Variants in USP3 observed in about 807,000 individuals in gnomAD.
USP3 encodes the protein ubiquitin carboxyl-terminal hydrolase 3.
Under a neutral mutation model 72.3 loss-of-function variants are expected in USP3, and 20 were observed. The observed-to-expected ratio is 0.28, with a 90% CI of 0.19 to 0.40. The LOEUF (loss-of-function observed/expected upper bound fraction) is 0.40, where lower values mean the gene tolerates loss of function less well. Ranked by LOEUF, USP3 falls within the 10% of genes least tolerant of loss-of-function variation. The pLI, the probability that USP3 is intolerant of heterozygous loss-of-function variation, is 1.00. For synonymous variants in USP3, 222 were observed against 225.3 expected (o/e 0.99, Z 0.13); for missense variants, 479 against 633.9 (o/e 0.76, Z 2.62).
intron 1 of USP3, among the ~76,000 whole-genome samples, chr15:63,506,393 ACACTAGGAGAAGCCTACCT>A (rs2065713643): frequency 6.6e-6 from 1 of 152,126 alleles, no homozygotes; most frequent in Non-Finnish European, 1.5e-5. Flanking sequence ...ACCAAAGTAA[ACACTAGGAGAAGCCTACCT>A]CACAGGGAAT....
chr15:63,514,093 G>A (rs1407734079), intron 1 of USP3, among the ~76,000 whole-genome samples: 1 of 152,182 alleles, frequency 6.6e-6, no homozygotes, highest in Non-Finnish European at 1.5e-5. Flanking sequence ...TTCACCTTAA[G>A]TGTATGAAGT....
In USP3 at chr15:63,574,014, G is replaced by T; in HGVS notation, c.909-32G>T. ...AATGTCAAAGAGATGGCTTCTTACT[G>T]AGATATTTTCCTGTGTGGTGATTTT... On this transcript the variant is annotated intron_variant, in intron 9 of 14. Transcript: ENST00000380324. This position sits in a 1 kb window ranked among gnomAD's most constrained non-coding sequence, Gnocchi z 4.6. 1 of 1,453,810 alleles carries T rather than the reference G, an allele frequency of 6.9e-7. No homozygotes were observed. Among genetic ancestry groups the T allele is most frequent in the Non-Finnish European group, 9.3e-7 (1 of 1,076,212 alleles). 90.1% of individuals were successfully genotyped at this position (1,453,810 alleles called of 1,614,324 possible).
At chr15:63,567,967 C>T (rs1566910909) in intron 8 of USP3, among the ~76,000 whole-genome samples, 1 of 152,172 alleles carries the variant, frequency 6.6e-6, no homozygotes, top group African/African-American at 2.4e-5. Flanking sequence ...CTCTCTCCCC[C>T]AGTGATTTGT....
At chr15:63,505,171 C>T (rs2065693389) in intron 1 of USP3, among the ~76,000 whole-genome samples, 1 of 151,876 alleles carries the variant, frequency 6.6e-6, no homozygotes, top group Non-Finnish European at 1.5e-5. Context: ...CTGTGCCCGT[C>T]CGTGTTGCGG....
chr15:63,552,357 C>T (rs1176598398), intron 3 of USP3, among the ~76,000 whole-genome samples: 3 of 152,014 alleles, frequency 2.0e-5, no homozygotes, highest in African/African-American at 7.3e-5. Flanking sequence ...ATATTTATGC[C>T]GAGAAGGAGC....
intron 11 of USP3, chr15:63,586,485 T>TGAA (rs567288807): frequency 2.0e-4 from 31 of 152,396 alleles, no homozygotes; most frequent in African/African-American, 7.5e-4. Context: ...AAATACTTGC[T>TGAA]GAAGAAAGCA....
intron 11 of USP3, among the ~76,000 whole-genome samples, chr15:63,578,269 G>A (rs1054667366): frequency 1.3e-5 from 2 of 151,880 alleles, no homozygotes; most frequent in Non-Finnish European, 2.9e-5. Context: ...GTGACACTCT[G>A]TCTCAAAAAC....
At chr15:63,585,758 CTTTA>C (rs1173671672) in intron 11 of USP3, among the ~76,000 whole-genome samples, 4 of 146,594 alleles carry the variant, frequency 2.7e-5, no homozygotes, top group African/African-American at 7.5e-5. Context: ...CTTCAGTCCA[CTTTA>C]TTTGTTTTTG....
Position 63,547,888 on chromosome 15 carries a change from G to GAGAGAGAGAGAGAGAGAGGCAT in USP3, c.285-5819_285-5818insAGAGAGAGAGGCATAGAGAGAG, listed in dbSNP as rs1555446525. Among the ~76,000 whole-genome samples the GAGAGAGAGAGAGAGAGAGGCAT allele has an allele frequency of 8.9e-3, 654 of 73,270 alleles. 154 individuals carry two copies. The highest frequency in any genetic ancestry group is 0.011 in the Non-Finnish European group (382 of 34,518). The allele number at this position is 73,270 out of a possible 152,430, so 48.1% of individuals were successfully genotyped here. ...GCATAGAGAGAGAGAGAGAGAGAGAGAGAGAGAGGCATAGAGAGAGGCATA... is the reference window on the plus strand; with the variant it reads ...GCATAGAGAGAGAGAGAGAGAGAGAGAGAGAGAGAGAGAGAGAGGCATAGAGAGAGGCATAGAGAGAGGCATA... On this transcript the variant is annotated intron_variant, in intron 3 of 14. Coordinates refer to ENST00000380324, the MANE Select transcript of USP3 (RefSeq NM_006537.4).
chr15:63,566,201 A>G (rs1392508048), intron 8 of USP3, among the ~76,000 whole-genome samples: 1 of 152,150 alleles, frequency 6.6e-6, no homozygotes, highest in East Asian at 1.9e-4. Flanking sequence ...ATGATGGGTA[A>G]ATAATCATTG....
chr15:63,536,953 A>T, intron 2 of USP3, 72 bp from the exon 3 acceptor site: 1 of 1,450,232 alleles, frequency 6.9e-7, no homozygotes. Context: ...ATTAATATTT[A>T]ATTTCATCAT....
At chr15:63,536,949 A>G in intron 2 of USP3, 76 bp from the exon 3 acceptor site, 10 of 1,430,150 alleles carry the variant, frequency 7.0e-6, no homozygotes, top group Non-Finnish European at 9.4e-6. Flanking sequence ...TTTGATTAAT[A>G]TTTAATTTCA....
intron 2 of USP3, among the ~76,000 whole-genome samples, chr15:63,535,711 C>G (rs1373531971): frequency 6.6e-6 from 1 of 152,110 alleles, no homozygotes; most frequent in African/African-American, 2.4e-5. Flanking sequence ...GTTAATAGTG[C>G]CTTGAATGTG....
At chr15:63,540,194 T>A (rs2066223591) in intron 3 of USP3, among the ~76,000 whole-genome samples, 1 of 152,188 alleles carries the variant, frequency 6.6e-6, no homozygotes, top group South Asian at 2.1e-4. Context: ...CAGTTCTTCT[T>A]TCCCTGCTTT....
intron 11 of USP3, among the ~76,000 whole-genome samples, chr15:63,580,367 T>C (rs1261047626): frequency 1.3e-5 from 2 of 152,020 alleles, no homozygotes; most frequent in Non-Finnish European, 2.9e-5. Flanking sequence ...TTTTTTTCAT[T>C]TGTTTTAACC....
intron 3 of USP3, among the ~76,000 whole-genome samples, chr15:63,543,347 C>G (rs2066273763): frequency 6.6e-6 from 1 of 151,900 alleles, no homozygotes; most frequent in African/African-American, 2.4e-5. Context: ...TTTTGAGAAG[C>G]TACTATGTGC....
At chr15:63,585,946 T>C (rs999222720) in intron 11 of USP3, among the ~76,000 whole-genome samples, 14 of 152,168 alleles carry the variant, frequency 9.2e-5, no homozygotes, top group Non-Finnish European at 1.5e-4. Context: ...GGTTTGAGAT[T>C]GCACTGAATC....
intron 1 of USP3, among the ~76,000 whole-genome samples, chr15:63,530,840 A>G (rs1269478188): frequency 6.6e-6 from 1 of 152,228 alleles, no homozygotes; most frequent in Non-Finnish European, 1.5e-5. Flanking sequence ...GGGAGTACAA[A>G]TAAAAAGCCA....
intron 3 of USP3, among the ~76,000 whole-genome samples, chr15:63,546,406 C>T (rs1323260767): frequency 1.3e-5 from 2 of 152,034 alleles, no homozygotes; most frequent in Admixed American, 6.5e-5. Context: ...TGAAACACAA[C>T]CTATGAGTTA....
Sources: allele counts gnomAD v4.1 joint callset (sites outside exome capture counted in the v4.1 genomes callset), GRCh38; gene constraint gnomAD v4.1.1; non-coding constraint Gnocchi (gnomAD v3.1); transcripts MANE v1.5; gene names NCBI Gene and HGNC (gene_info 2026-07-23, HGNC 2026-07-21).